LYRM4: variants seen among roughly 807,000 people sequenced by gnomAD.
The protein encoded by LYRM4 is LYR motif-containing protein 4.
A neutral mutation model predicts 11.7 loss-of-function variants in LYRM4; 9 were observed. The ratio of observed to expected loss-of-function variants is 0.77; its 90% CI spans 0.46 to 1.34. The LOEUF (loss-of-function observed/expected upper bound fraction) is 1.34, where lower values mean the gene tolerates loss of function less well. LYRM4 is among the 40% of genes most tolerant of loss of function. The probability of loss-of-function intolerance (pLI) is 0.00; values close to 1 mark genes in which losing one functional copy is unlikely to be tolerated. For missense variants in LYRM4, 133 were observed against 112.5 expected (o/e 1.18, Z -0.82); for synonymous variants, 42 against 40.4 (o/e 1.04, Z -0.15).
chr6:5,110,270 A>G (rs902333275), intron 2 of LYRM4, among the ~76,000 whole-genome samples: 1 of 115,968 alleles, frequency 8.6e-6, no homozygotes, highest in East Asian at 1.9e-4. Context: ...GTCACTATCT[A>G]TGGGTAATTC....
chr6:5,044,252 T>C, the LYRM4 span, among the ~76,000 whole-genome samples: 3 of 152,156 alleles, frequency 2.0e-5, no homozygotes, highest in Non-Finnish European at 2.9e-5. Flanking sequence ...TGCCTCGGCC[T>C]CCCGAGTAGC....
chr6:5,235,546 T>C (rs898140793), intron 1 of LYRM4, among the ~76,000 whole-genome samples: 1 of 152,236 alleles, frequency 6.6e-6, no homozygotes, highest in Non-Finnish European at 1.5e-5. Flanking sequence ...ATTCATTTAA[T>C]AGCCATTATA....
rs968606439 is a variant in LYRM4, at chr6:5,119,794, C to CAAAAAAAA, written c.208-10311_208-10304dup. 1.1e-3 allele frequency among the ~76,000 whole-genome samples: 19 copies of CAAAAAAAA among 16,864 alleles called. 1 individual carries two copies. Among genetic ancestry groups the CAAAAAAAA allele is most frequent in the African/African-American group, 2.2e-3 (18 of 8,052 alleles). 11.1% of individuals were successfully genotyped at this position (16,864 alleles called of 152,430 possible). On this transcript the variant is annotated intron_variant, in intron 2 of 2. Coordinates refer to ENST00000330636, the MANE Select transcript of LYRM4 (RefSeq NM_020408.6). ...GCAGAATGAGACTCTGTCTCCATAA[C>CAAAAAAAA]AAAAAAAAAAAAAAAAAAAAAAAAA...
chr6:5,151,083 A>G (rs1758059736), intron 2 of LYRM4, among the ~76,000 whole-genome samples: 1 of 99,684 alleles, frequency 1.0e-5, no homozygotes, highest in African/African-American at 3.8e-5. Flanking sequence ...GTTTGTTTTG[A>G]ATTTTTTTTT....
intron 2 of LYRM4, among the ~76,000 whole-genome samples, chr6:5,176,502 C>T (rs1759729912): frequency 1.3e-5 from 2 of 152,206 alleles, no homozygotes; most frequent in Admixed American, 1.3e-4. Context: ...CTAAGCTTTA[C>T]CTGAGATAAT....
At chr6:5,106,840 C>G (rs1762677908), downstream of LYRM4, 1 of 152,300 alleles carries the variant, frequency 6.6e-6, no homozygotes, top group Admixed American at 6.5e-5. Context: ...TCAAAGCAGG[C>G]ACAAGTTCTA....
At chr6:5,197,834 T>C (rs1372486844) in intron 2 of LYRM4, among the ~76,000 whole-genome samples, 2 of 152,016 alleles carry the variant, frequency 1.3e-5, no homozygotes, top group Non-Finnish European at 2.9e-5. Context: ...GAGCCTCAGT[T>C]ACTGAGAAAT....
At chr6:5,042,126 T>C in the LYRM4 span, among the ~76,000 whole-genome samples, 2 of 152,190 alleles carry the variant, frequency 1.3e-5, no homozygotes, top group African/African-American at 4.8e-5. Flanking sequence ...TATTTTTGTG[T>C]GTCATCAAAT....
chr6:5,086,172 G>A, the LYRM4 span: 2 of 1,530,460 alleles, frequency 1.3e-6, no homozygotes, highest in African/African-American at 1.4e-5. Flanking sequence ...CGACGGCCTC[G>A]GGCGCTGAGG....
At chr6:5,120,494 A>G (rs1443389339) in intron 2 of LYRM4, among the ~76,000 whole-genome samples, 1 of 152,188 alleles carries the variant, frequency 6.6e-6, no homozygotes, top group Non-Finnish European at 1.5e-5. Context: ...CCAAAAAGTG[A>G]GCAGCAGCAA....
intron 2 of LYRM4, among the ~76,000 whole-genome samples, chr6:5,190,693 T>C (rs1760702530): frequency 6.6e-6 from 1 of 152,044 alleles, no homozygotes; most frequent in Non-Finnish European, 1.5e-5. Context: ...TTAACACCAT[T>C]GTGCAATGCA....
intron 2 of LYRM4, among the ~76,000 whole-genome samples, chr6:5,159,196 T>C (rs991073165): frequency 4.6e-5 from 7 of 152,080 alleles, no homozygotes; most frequent in Non-Finnish European, 7.4e-5. Context: ...CCCCATGGGG[T>C]CCTGGCAGGG....
At chr6:5,255,386 A>G (rs1764618624) in intron 1 of LYRM4, among the ~76,000 whole-genome samples, 1 of 152,228 alleles carries the variant, frequency 6.6e-6, no homozygotes, top group Admixed American at 6.5e-5. Context: ...AGAGACTTGC[A>G]CTAGTGTCAA....
rs756038404 is a variant in LYRM4 at position 5,186,901 on chromosome 6, T to C, written c.207+29717A>G. 1.8e-4 allele frequency: 81 copies of C among 446,744 alleles called. No individual in the cohort carries two copies. Among genetic ancestry groups the C allele is most frequent in the Non-Finnish European group, 2.7e-4 (78 of 289,546 alleles). The allele number at this position is 446,744 out of a possible 1,614,324, so 27.7% of individuals were successfully genotyped here. A position where few individuals can be genotyped will look rare whatever the true frequency, so the allele number is the denominator to read the frequency against. On this transcript the variant is annotated intron_variant, in intron 2 of 2. Transcript: ENST00000330636. ...CGGGAGGCTGAGGCAGGAGAATTGC[T>C]TGAACCAGGGAGGCAGAGGTTGTAG...
chr6:5,195,727 A>T (rs960048971), intron 2 of LYRM4, among the ~76,000 whole-genome samples: 2 of 152,122 alleles, frequency 1.3e-5, no homozygotes, highest in Non-Finnish European at 2.9e-5. Context: ...ATGACAGGAA[A>T]AGGGTGGGGT....
At chr6:5,170,745 G>A (rs1433665440) in intron 2 of LYRM4, among the ~76,000 whole-genome samples, 1 of 152,108 alleles carries the variant, frequency 6.6e-6, no homozygotes, top group African/African-American at 2.4e-5. Flanking sequence ...TCCCCAATTG[G>A]GGATGTATAA....
At chr6:5,099,042 G>T (rs188604524), downstream of LYRM4, among the ~76,000 whole-genome samples, 208 of 152,234 alleles carry the variant, frequency 1.4e-3, no homozygotes, top group African/African-American at 4.8e-3. This position sits in a 1 kb window ranked among gnomAD's most constrained non-coding sequence, Gnocchi z 4.3. Context: ...ACACTGACTG[G>T]TGGCATAAGC....
At chr6:5,140,952 A>C (rs1016430367) in intron 2 of LYRM4, among the ~76,000 whole-genome samples, 3 of 152,234 alleles carry the variant, frequency 2.0e-5, no homozygotes, top group African/African-American at 7.2e-5. Flanking sequence ...CCAGTTCTAC[A>C]AGTATTCAAG....
chr6:5,043,963 GC>G, the LYRM4 span, among the ~76,000 whole-genome samples: 2 of 152,122 alleles, frequency 1.3e-5, no homozygotes, highest in African/African-American at 4.8e-5. Context: ...CTTGTCCACA[GC>G]CCCCCTCTCG....
Sources: allele counts gnomAD v4.1 joint callset (sites outside exome capture counted in the v4.1 genomes callset), GRCh38; gene constraint gnomAD v4.1.1; non-coding constraint Gnocchi (gnomAD v3.1); transcripts MANE v1.5; gene names NCBI Gene and HGNC (gene_info 2026-07-23, HGNC 2026-07-21).